Variants in SDK1 observed in about 807,000 individuals in gnomAD.
The protein encoded by SDK1 is sidekick cell adhesion molecule 1, also known as protein sidekick-1.
A neutral mutation model predicts 245.5 loss-of-function variants in SDK1; 157 were observed. The observed-to-expected ratio is 0.64, with a 90% CI of 0.56 to 0.73. SDK1 has a LOEUF of 0.73. SDK1 is among the 30% of genes least tolerant of loss of function. SDK1 has a pLI of 0.00. For missense variants in SDK1, 3,583 were observed against 3,002.3 expected, an observed-to-expected ratio of 1.19 and a Z score of -4.52; for synonymous variants, 1,647 against 1,278.5, an observed-to-expected ratio of 1.29 and a Z score of -6.15.
At position 4,076,660 on chromosome 7, in the gene SDK1, C is replaced by T. The variant is rs79132040; in HGVS notation, c.3011-338C>T. Among the ~76,000 whole-genome samples the T allele has an allele frequency of 6.8e-3, 1,031 of 152,336 alleles. 9 individuals carry two copies. The highest frequency in any genetic ancestry group is 0.019 in the African/African-American group (780 of 41,574). ...AGAAGGTCGAATTGAGCACAGCAGG[C>T]TGGCAGCTGTCGTCATGTTTCAGTT... On this transcript the variant is annotated intron_variant, in intron 20 of 44. Coordinates refer to ENST00000404826, the MANE Select transcript of SDK1 (RefSeq NM_152744.4).
chr7:3,766,012 G>A (rs1339082087), intron 4 of SDK1, among the ~76,000 whole-genome samples: 6 of 152,096 alleles, frequency 3.9e-5, no homozygotes, highest in African/African-American at 1.4e-4. Context: ...TTGATCACTT[G>A]CTTCACAAGA....
chr7:4,092,337 C>T (rs375824589), intron 22 of SDK1, among the ~76,000 whole-genome samples: 27 of 152,276 alleles, frequency 1.8e-4, no homozygotes, highest in African/African-American at 2.6e-4. Flanking sequence ...CCTCCCAGGA[C>T]GCCTGGTTCT....
At chr7:3,801,903 C>T (rs1046834471) in intron 4 of SDK1, among the ~76,000 whole-genome samples, 1 of 152,228 alleles carries the variant, frequency 6.6e-6, no homozygotes, top group Non-Finnish European at 1.5e-5. Context: ...TGAGAACTCT[C>T]TGCTGACCAG....
At chr7:4,104,760 G>A (rs1380716146) in intron 22 of SDK1, among the ~76,000 whole-genome samples, 1 of 152,132 alleles carries the variant, frequency 6.6e-6, no homozygotes, top group Non-Finnish European at 1.5e-5. Flanking sequence ...CTGGAGTGCA[G>A]TGGTGTGATC....
intron 1 of SDK1, among the ~76,000 whole-genome samples, chr7:3,444,443 A>C (rs1181067002): frequency 6.6e-6 from 1 of 151,978 alleles, no homozygotes; most frequent in Non-Finnish European, 1.5e-5. Context: ...ATATTTATTG[A>C]GTCAATGGGT....
chr7:3,399,263 C>G (rs1394003393), intron 1 of SDK1, among the ~76,000 whole-genome samples: 1 of 151,920 alleles, frequency 6.6e-6, no homozygotes, highest in Non-Finnish European at 1.5e-5. Flanking sequence ...TATTTCCTTT[C>G]AGTTATCATA....
At chr7:3,711,739 A>G (rs1785056763) in intron 4 of SDK1, among the ~76,000 whole-genome samples, 2 of 152,130 alleles carry the variant, frequency 1.3e-5, no homozygotes, top group Non-Finnish European at 1.5e-5. Context: ...TTAGGCAGGA[A>G]CCAGATCCTG....
chr7:3,760,915 C>G (rs925160866), intron 4 of SDK1, among the ~76,000 whole-genome samples: 1 of 152,164 alleles, frequency 6.6e-6, no homozygotes, highest in African/African-American at 2.4e-5. Flanking sequence ...ATTTCATTGT[C>G]TGGAATGTAT....
chr7:3,534,548 C>CT (rs1032935759), intron 1 of SDK1, among the ~76,000 whole-genome samples: 18 of 151,312 alleles, frequency 1.2e-4, no homozygotes, highest in Middle Eastern at 6.8e-3. Flanking sequence ...CAGCACTTGT[C>CT]TTTTTTTTTG....
chr7:4,000,916 A>G (rs999769680), intron 14 of SDK1, among the ~76,000 whole-genome samples: 7 of 151,954 alleles, frequency 4.6e-5, no homozygotes, highest in South Asian at 2.1e-4. Context: ...GGTGTTTATG[A>G]AGGGGGGACC....
chr7:4,183,489 G>T (rs574268619), intron 35 of SDK1, among the ~76,000 whole-genome samples: 3 of 152,066 alleles, frequency 2.0e-5, no homozygotes, highest in South Asian at 2.1e-4. Context: ...CAAAAAATTA[G>T]CTGGGCATGG....
At chr7:4,052,164 A>G (rs1258832524) in intron 19 of SDK1, among the ~76,000 whole-genome samples, 4 of 105,004 alleles carry the variant, frequency 3.8e-5, no homozygotes, top group Non-Finnish European at 6.7e-5. Context: ...ACCTGCTTCC[A>G]TGATCCCCCC....
chr7:3,802,727 T>G (rs1191075675), intron 4 of SDK1, among the ~76,000 whole-genome samples: 1 of 152,190 alleles, frequency 6.6e-6, no homozygotes, highest in Non-Finnish European at 1.5e-5. Context: ...CTTTTGGGAT[T>G]GGCTTTTCCC....
At chr7:4,065,103 T>C (rs1779786524) in intron 19 of SDK1, among the ~76,000 whole-genome samples, 2 of 152,148 alleles carry the variant, frequency 1.3e-5, no homozygotes, top group South Asian at 2.1e-4. Context: ...CTCCAGGCCA[T>C]AGGCACTCTG....
At chr7:4,008,879 G>A (rs78719272) in intron 14 of SDK1, among the ~76,000 whole-genome samples, 17,925 of 152,136 alleles carry the variant, frequency 0.12, 1,086 homozygotes, top group Non-Finnish European at 0.14. Context: ...ATATCTCTTC[G>A]AACCCCTCCT....
chr7:3,694,057 C>T (rs1376888762), intron 4 of SDK1, among the ~76,000 whole-genome samples: 1 of 152,110 alleles, frequency 6.6e-6, no homozygotes, highest in African/African-American at 2.4e-5. Flanking sequence ...TCATAGTTCA[C>T]CTTTTATGAT....
chr7:4,128,844 G>A (rs1224509472), intron 26 of SDK1, among the ~76,000 whole-genome samples: 1 of 133,818 alleles, frequency 7.5e-6, no homozygotes, highest in African/African-American at 2.9e-5. Context: ...CTTGGAGTGG[G>A]GTCCCCTGGA....
rs543464471 is a variant in SDK1, at chr7:3,443,635, C to T, written c.298+141751C>T. ...ACAGCCGGCATTAATTGGAGCCACA[C>T]TAGCCTCCATGCTGGTTTGATTTGT... On this transcript the variant is annotated intron_variant, in intron 1 of 44. Transcript: ENST00000404826. Among the ~76,000 whole-genome samples, 17 of 152,328 alleles carry T rather than the reference C, an allele frequency of 1.1e-4. No homozygotes were observed. In the South Asian group the frequency reaches 3.3e-3, roughly 30 times the overall value.
chr7:4,265,353 C>T lies in SDK1; in HGVS notation c.6611C>T (p.Thr2204Ile). The T allele has an allele frequency of 6.9e-7, 1 of 1,455,896 alleles. No homozygotes were observed. Among genetic ancestry groups the T allele is most frequent in the Non-Finnish European group, 9.0e-7 (1 of 1,117,112 alleles). 90.2% of individuals were successfully genotyped at this position (1,455,896 alleles called of 1,614,324 possible). ...VYTPAGPGAR[T>I]PLTGFSSFV ...ACCCCCGCTGGCCCCGGCGCGCGAA[C>T]TCCGCTCACCGGCTTCTCCTCCTTC... Residue 2204 changes from threonine (T) to isoleucine (I), a missense_variant, in exon 45 of 45, where the codon ACT (threonine) becomes ATT (isoleucine). Thr to Ile is a moderately conservative substitution (Grantham distance 89, BLOSUM62 -1). Transcript: ENST00000404826.
Sources: gnomAD v4.1 joint callset for allele counts (sites outside exome capture counted in the v4.1 genomes callset) on GRCh38, gnomAD v4.1.1 for gene constraint, MANE v1.5 for transcripts, NCBI Gene and HGNC (gene_info 2026-07-23, HGNC 2026-07-21) for gene names.